Variants in ZZZ3 observed in about 807,000 individuals in gnomAD.
ZZZ3 encodes ZZ-type zinc finger-containing protein 3.
ZZZ3 carries 22 observed loss-of-function variants against 95.2 expected under a neutral mutation model. That is an observed-to-expected ratio of 0.23 (90% CI 0.17 to 0.33). The LOEUF (loss-of-function observed/expected upper bound fraction) is 0.33. Among genes scored for constraint, ZZZ3 ranks in the 10% least tolerant of loss-of-function variants. ZZZ3 has a pLI of 1.00. For missense variants in ZZZ3, 885 were observed against 1,066.5 expected, an observed-to-expected ratio of 0.83 and a Z score of 2.37; for synonymous variants, 335 against 358.9, an observed-to-expected ratio of 0.93 and a Z score of 0.75.
intron 14 of ZZZ3, 25 bp from the exon 15 acceptor site, chr1:77,565,809 C>A: frequency 6.3e-7 from 1 of 1,599,834 alleles, no homozygotes. Flanking sequence ...AGACACACAT[C>A]ATTACATGGT....
Position 77,582,193 on chromosome 1 carries a change from ACAGT to A in ZZZ3, c.1645-71_1645-68del, listed in dbSNP as rs967570627. 26 of 1,466,732 alleles carry A rather than the reference ACAGT, an allele frequency of 1.8e-5. No individual in the cohort carries two copies. The African/African-American group carries it at 3.3e-4, about 18-fold the overall frequency. The allele number at this position is 1,466,732 out of a possible 1,614,324, so 90.9% of individuals were successfully genotyped here. On this transcript the variant is annotated intron_variant, in intron 6 of 14. Coordinates refer to ENST00000370801, the MANE Select transcript of ZZZ3 (RefSeq NM_015534.6). ...AATTTAATTAAAGAAATAATCCACC[ACAGT>A]CAAATTTTCAGATGACTCCAAATCC...
chr1:77,591,232 C>T (rs976962356), intron 5 of ZZZ3, among the ~76,000 whole-genome samples: 11 of 152,184 alleles, frequency 7.2e-5, no homozygotes, highest in African/African-American at 2.7e-4. Context: ...GCTTTCTCTT[C>T]CTTAATGAAG....
intron 1 of ZZZ3, among the ~76,000 whole-genome samples, chr1:77,657,406 G>C (rs906255866): frequency 6.6e-6 from 1 of 152,122 alleles, no homozygotes; most frequent in Non-Finnish European, 1.5e-5. Context: ...TACACTTAGG[G>C]GCAATTTTAA....
intron 1 of ZZZ3, among the ~76,000 whole-genome samples, chr1:77,662,265 G>A (rs868508098): frequency 6.6e-6 from 1 of 151,750 alleles, no homozygotes; most frequent in African/African-American, 2.4e-5. Context: ...GCCCACCTCA[G>A]CCTCTCAAAG....
intron 5 of ZZZ3, among the ~76,000 whole-genome samples, chr1:77,592,619 TATC>T (rs1663824894): frequency 6.6e-6 from 1 of 151,956 alleles, no homozygotes; most frequent in African/African-American, 2.4e-5. Context: ...ATTAAAAAAT[TATC>T]AAGCATGCAA....
At chr1:77,668,512 A>C (rs941297464) in intron 1 of ZZZ3, among the ~76,000 whole-genome samples, 3 of 152,170 alleles carry the variant, frequency 2.0e-5, no homozygotes, top group East Asian at 1.9e-4. Flanking sequence ...TATACTCTCT[A>C]TATAAGTAGA....
intron 3 of ZZZ3, among the ~76,000 whole-genome samples, chr1:77,640,438 A>G (rs1174145023): frequency 1.3e-5 from 2 of 151,962 alleles, no homozygotes; most frequent in Non-Finnish European, 2.9e-5. Context: ...ATCTCTACTA[A>G]AAATACAAAA....
intron 1 of ZZZ3, among the ~76,000 whole-genome samples, chr1:77,677,750 T>C (rs777163259): frequency 6.6e-6 from 1 of 152,174 alleles, no homozygotes; most frequent in Non-Finnish European, 1.5e-5. Flanking sequence ...TTAAGATGCA[T>C]TGTGAGAATG....
At chr1:77,619,790 A>G (rs568322160) in intron 5 of ZZZ3, among the ~76,000 whole-genome samples, 2 of 152,186 alleles carry the variant, frequency 1.3e-5, no homozygotes, top group Non-Finnish European at 2.9e-5. Flanking sequence ...AATTAACCAT[A>G]TGAATGATGA....
chr1:77,665,874 T>C (rs1349318435), intron 1 of ZZZ3, among the ~76,000 whole-genome samples: 1 of 151,316 alleles, frequency 6.6e-6, no homozygotes, highest in Non-Finnish European at 1.5e-5. Context: ...AAACCCAGTC[T>C]CCACTAAGAT....
chr1:77,574,917 G>A (rs1441351652), intron 12 of ZZZ3, among the ~76,000 whole-genome samples: 1 of 152,234 alleles, frequency 6.6e-6, no homozygotes, highest in Non-Finnish European at 1.5e-5. Flanking sequence ...CAGGCATGGT[G>A]GCTCACGCCT....
intron 5 of ZZZ3, among the ~76,000 whole-genome samples, chr1:77,613,590 A>G (rs1666020004): frequency 6.6e-6 from 1 of 152,056 alleles, no homozygotes; most frequent in African/African-American, 2.4e-5. Context: ...TAGTGTTGCT[A>G]TGCAATTGTA....
chr1:77,613,018 A>G (rs1159643511), intron 5 of ZZZ3, among the ~76,000 whole-genome samples: 2 of 152,200 alleles, frequency 1.3e-5, no homozygotes, highest in African/African-American at 4.8e-5. Context: ...CTTACTACCT[A>G]TATGTATCCT....
intron 5 of ZZZ3, among the ~76,000 whole-genome samples, chr1:77,615,207 C>T (rs1043096393): frequency 2.0e-5 from 3 of 152,158 alleles, no homozygotes; most frequent in South Asian, 2.1e-4. Context: ...AAGGGTCATT[C>T]GAATTTCAAC....
chr1:77,598,034 A>G (rs564754878), intron 5 of ZZZ3, among the ~76,000 whole-genome samples: 36 of 152,206 alleles, frequency 2.4e-4, no homozygotes, highest in African/African-American at 8.4e-4. Flanking sequence ...TTAAAAGTCT[A>G]TTTTTAAAAA....
intron 4 of ZZZ3, among the ~76,000 whole-genome samples, chr1:77,636,928 C>G (rs1034289233): frequency 2.6e-5 from 4 of 152,128 alleles, no homozygotes; most frequent in Non-Finnish European, 4.4e-5. Context: ...CTAGGATTGT[C>G]AAATTCTGTG....
intron 5 of ZZZ3, among the ~76,000 whole-genome samples, chr1:77,598,093 G>A (rs1451664940): frequency 6.6e-6 from 1 of 152,026 alleles, no homozygotes; most frequent in East Asian, 1.9e-4. Context: ...TAGGAGCACA[G>A]ATGCTCCCAC....
At chr1:77,662,163 A>G (rs1281028267) in intron 1 of ZZZ3, among the ~76,000 whole-genome samples, 3 of 151,848 alleles carry the variant, frequency 2.0e-5, no homozygotes, top group African/African-American at 7.3e-5. Flanking sequence ...ACAGGCACAC[A>G]CCACCACACC....
At chr1:77,638,549 T>G (rs1457385365) in intron 4 of ZZZ3, among the ~76,000 whole-genome samples, 2 of 152,236 alleles carry the variant, frequency 1.3e-5, no homozygotes, top group African/African-American at 4.8e-5. Context: ...AGACCTTGCC[T>G]ATAAGCTTTT....
Sources: allele counts gnomAD v4.1 joint callset (sites outside exome capture counted in the v4.1 genomes callset), GRCh38; gene constraint gnomAD v4.1.1; transcripts MANE v1.5; gene names NCBI Gene and HGNC (gene_info 2026-07-23, HGNC 2026-07-21).